QTMAN: variants seen among roughly 807,000 people sequenced by gnomAD.
QTMAN encodes tRNA-queuosine alpha-mannosyltransferase.
At chr2:144,133,104 G>T in the QTMAN span, among the ~76,000 whole-genome samples, 1 of 46,376 alleles carries the variant, frequency 2.2e-5, no homozygotes, top group Non-Finnish European at 3.6e-5. Context: ...TACCCAAAAT[G>T]GAATGACTGG....
At chr2:144,153,419 G>C in the QTMAN span, among the ~76,000 whole-genome samples, 120 of 152,228 alleles carry the variant, frequency 7.9e-4, no homozygotes, top group East Asian at 0.018. Flanking sequence ...TATAAAACCA[G>C]TTCCTTTAGG....
At chr2:144,172,621 CAAAA>C in the QTMAN span, among the ~76,000 whole-genome samples, 2 of 51,358 alleles carry the variant, frequency 3.9e-5, no homozygotes, top group African/African-American at 1.2e-4. Context: ...AAGACTCTGT[CAAAA>C]AAAAAAAAAA....
At chr2:143,998,649 T>G in the QTMAN span, among the ~76,000 whole-genome samples, 3 of 152,044 alleles carry the variant, frequency 2.0e-5, no homozygotes, top group African/African-American at 7.2e-5. Context: ...TGGATTATGG[T>G]GGAGGGGTAG....
chr2:144,174,791 C>T, the QTMAN span, among the ~76,000 whole-genome samples: 2 of 152,146 alleles, frequency 1.3e-5, no homozygotes, highest in African/African-American at 2.4e-5. Context: ...CTTCACCTTC[C>T]GTCATGATTA....
the QTMAN span, among the ~76,000 whole-genome samples, chr2:144,282,758 G>A: frequency 2.6e-5 from 4 of 152,040 alleles, no homozygotes. Context: ...GGCAACTCTT[G>A]GTGGGCTCCT....
chr2:143,960,074 C>T, the QTMAN span, among the ~76,000 whole-genome samples: 1 of 152,054 alleles, frequency 6.6e-6, no homozygotes, highest in Non-Finnish European at 1.5e-5. Context: ...AATAGGTATA[C>T]TGAGCCACAA....
At chr2:144,273,278 T>C in the QTMAN span, among the ~76,000 whole-genome samples, 2 of 151,990 alleles carry the variant, frequency 1.3e-5, no homozygotes, top group African/African-American at 2.4e-5. Flanking sequence ...ATGCATTCTC[T>C]TTTTTTTCTA....
chr2:144,242,613 G>A, the QTMAN span, among the ~76,000 whole-genome samples: 1 of 152,160 alleles, frequency 6.6e-6, no homozygotes, highest in East Asian at 1.9e-4. Context: ...AGCAATGACT[G>A]TTGTGAAATT....
the QTMAN span, among the ~76,000 whole-genome samples, chr2:143,981,671 G>C: frequency 6.6e-6 from 1 of 151,692 alleles, no homozygotes; most frequent in Non-Finnish European, 1.5e-5. Flanking sequence ...GTGTTTTTTT[G>C]GCTGACACAG....
chr2:143,983,680 A>G, the QTMAN span, among the ~76,000 whole-genome samples: 5 of 151,946 alleles, frequency 3.3e-5, no homozygotes, highest in Non-Finnish European at 5.9e-5. Context: ...TCACCGTGTT[A>G]GCCATGATGG....
the QTMAN span, chr2:143,964,276 T>C: frequency 6.6e-6 from 1 of 152,140 alleles, no homozygotes; most frequent in African/African-American, 2.4e-5. Context: ...TAAGTAATTA[T>C]ATGTTAGGGA....
chr2:144,255,721 CCA>C, the QTMAN span, among the ~76,000 whole-genome samples: 1 of 152,180 alleles, frequency 6.6e-6, no homozygotes, highest in Non-Finnish European at 1.5e-5. Context: ...AACAGGTAAA[CCA>C]CAGAGGATTT....
chr2:144,281,705 G>A, the QTMAN span, among the ~76,000 whole-genome samples: 1 of 152,128 alleles, frequency 6.6e-6, no homozygotes, highest in East Asian at 1.9e-4. Flanking sequence ...GTCCTTATGA[G>A]AGGAACTTAG....
the QTMAN span, among the ~76,000 whole-genome samples, chr2:144,288,007 A>C: frequency 6.6e-6 from 1 of 151,958 alleles, no homozygotes; most frequent in African/African-American, 2.4e-5. Context: ...GGCGCACACC[A>C]CCACACCCAG....
the QTMAN span, among the ~76,000 whole-genome samples, chr2:144,233,332 A>C: frequency 1.3e-5 from 2 of 152,198 alleles, no homozygotes; most frequent in African/African-American, 4.8e-5. Flanking sequence ...ATTTAGCACC[A>C]ACTTCTATAA....
the QTMAN span, among the ~76,000 whole-genome samples, chr2:144,298,068 G>C: frequency 6.6e-6 from 1 of 151,686 alleles, no homozygotes; most frequent in East Asian, 1.9e-4. Context: ...GCCCAGGCTG[G>C]AGTGCAATGG....
chr2:144,290,376 C>T, the QTMAN span, among the ~76,000 whole-genome samples: 1 of 152,168 alleles, frequency 6.6e-6, no homozygotes, highest in Non-Finnish European at 1.5e-5. Flanking sequence ...ACATATACTG[C>T]CACCCTCCTA....
chr2:144,150,519 G>A, the QTMAN span, among the ~76,000 whole-genome samples: 8 of 151,812 alleles, frequency 5.3e-5, no homozygotes, highest in African/African-American at 1.7e-4. Flanking sequence ...AATTTAAATC[G>A]ACTAGCCATA....
chr2:144,035,291 G>C, the QTMAN span, among the ~76,000 whole-genome samples: 64 of 152,172 alleles, frequency 4.2e-4, no homozygotes, highest in Admixed American at 7.2e-4. Flanking sequence ...ACAGTCTATG[G>C]AACCATGAGC....
Sources: allele counts gnomAD v4.1 joint callset (sites outside exome capture counted in the v4.1 genomes callset), GRCh38; gene constraint gnomAD v4.1.1; transcripts MANE v1.5; gene names NCBI Gene and HGNC (gene_info 2026-07-23, HGNC 2026-07-21).